The following L3MBTL3 variants were observed in gnomAD, a reference collection of about 807,000 sequenced individuals.
The protein encoded by L3MBTL3 is lethal(3)malignant brain tumor-like protein 3.
In L3MBTL3, 27 loss-of-function variants were observed where a neutral mutation model predicts 102.3. That is an observed-to-expected ratio of 0.26 (90% confidence interval 0.19 to 0.36). The LOEUF (loss-of-function observed/expected upper bound fraction) is 0.36, where lower values mean the gene tolerates loss of function less well. L3MBTL3 is among the 10% of genes least tolerant of loss of function. L3MBTL3 has a pLI of 1.00. For synonymous variants in L3MBTL3, 340 were observed against 320.9 expected (o/e 1.06, Z -0.64); for missense variants, 798 against 955.3 (o/e 0.84, Z 2.17).
chr6:130,113,980 A>G (rs1194689426), intron 19 of L3MBTL3, among the ~76,000 whole-genome samples: 1 of 152,218 alleles, frequency 6.6e-6, no homozygotes, highest in Non-Finnish European at 1.5e-5. Flanking sequence ...TTTTTGCCCC[A>G]TGAGGTCTTC....
chr6:130,116,504 A>G (rs1785690654), intron 19 of L3MBTL3, among the ~76,000 whole-genome samples: 1 of 152,134 alleles, frequency 6.6e-6, no homozygotes, highest in African/African-American at 2.4e-5. Context: ...GGTAATCTCA[A>G]TGCTTTGAGA....
At chr6:130,074,657 T>G (rs970555862) in intron 13 of L3MBTL3, among the ~76,000 whole-genome samples, 4 of 152,166 alleles carry the variant, frequency 2.6e-5, no homozygotes, top group Admixed American at 1.3e-4. Flanking sequence ...GAAGGAACCT[T>G]TCTTTTAAAA....
chr6:130,053,490 G>T (rs1176246589), intron 7 of L3MBTL3, among the ~76,000 whole-genome samples: 1 of 151,902 alleles, frequency 6.6e-6, no homozygotes, highest in Non-Finnish European at 1.5e-5. Flanking sequence ...AAAAAATTAG[G>T]TAGGCGTGGT....
chr6:130,058,816 G>A (rs576357648), intron 9 of L3MBTL3, among the ~76,000 whole-genome samples: 79 of 152,244 alleles, frequency 5.2e-4, no homozygotes, highest in African/African-American at 1.9e-3. Flanking sequence ...CCCGCAGACT[G>A]GAGTTTGCTG....
rs1448294163 is a variant in L3MBTL3 at position 130,061,405 on chromosome 6, C to T, written c.864+1265C>T. Among the ~76,000 whole-genome samples the T allele has an allele frequency of 1.4e-4, 21 of 152,158 alleles. 1 individual carries two copies. Reference sequence around the variant, plus strand: ...CCATCTGTTAGCTTTTATTAGTTCTCAAAACAACCTTTTGAGGCAGAACCC... The same window carrying T: ...CCATCTGTTAGCTTTTATTAGTTCTTAAAACAACCTTTTGAGGCAGAACCC... On this transcript the variant is annotated intron_variant, in intron 10 of 22. Transcript: ENST00000361794.
intron 2 of L3MBTL3, among the ~76,000 whole-genome samples, chr6:130,041,993 T>C (rs752726519): frequency 3.7e-4 from 57 of 152,332 alleles, no homozygotes; most frequent in Non-Finnish European, 6.8e-4. Context: ...TTCATACTGA[T>C]ACCTCCATTC....
At chr6:130,061,163 C>T (rs1222287187) in intron 10 of L3MBTL3, among the ~76,000 whole-genome samples, 1 of 146,552 alleles carries the variant, frequency 6.8e-6, no homozygotes, top group Non-Finnish European at 1.5e-5. Context: ...TGGCTCACTA[C>T]AACCTCCACC....
chr6:130,092,935 T>C, intron 17 of L3MBTL3, 76 bp downstream of exon 17: 1 of 890,354 alleles, frequency 1.1e-6, no homozygotes, highest in Non-Finnish European at 1.8e-6. Flanking sequence ...CCTTAGCCCT[T>C]TCTTTTTCTC....
At chr6:130,123,752 C>T (rs999527103) in intron 20 of L3MBTL3, among the ~76,000 whole-genome samples, 8 of 152,142 alleles carry the variant, frequency 5.3e-5, no homozygotes, top group African/African-American at 1.4e-4. Flanking sequence ...TTGTCCGGTA[C>T]TGGATAGCAC....
chr6:130,019,068 G>A (rs1000015997), intron 1 of L3MBTL3, among the ~76,000 whole-genome samples: 3 of 151,946 alleles, frequency 2.0e-5, no homozygotes, highest in Non-Finnish European at 4.4e-5. Flanking sequence ...GGTGTGGGGG[G>A]CCGTGCGGAA....
chr6:130,050,593 A>C (rs988516502), intron 5 of L3MBTL3, among the ~76,000 whole-genome samples: 5 of 152,174 alleles, frequency 3.3e-5, no homozygotes, highest in African/African-American at 1.2e-4. Flanking sequence ...CATGTATCAC[A>C]TTTTATTATA....
At chr6:130,032,533 G>C (rs1779794870) in intron 2 of L3MBTL3, among the ~76,000 whole-genome samples, 1 of 152,146 alleles carries the variant, frequency 6.6e-6, no homozygotes, top group Non-Finnish European at 1.5e-5. Flanking sequence ...TGTTAAACCA[G>C]ATAATTATAA....
In L3MBTL3 at chr6:130,115,015, C is replaced by T. The variant is rs146153232; in HGVS notation, c.1887-5864C>T. Among the ~76,000 whole-genome samples, 1,127 of 149,948 alleles carry T rather than the reference C, an allele frequency of 7.5e-3. 5 individuals are homozygous for T. The highest frequency in any genetic ancestry group is 0.011 in the Non-Finnish European group (745 of 67,762). ...TCTCATTCCCTTATGTTTTTACCTG[C>T]GAGTAAGTCACAGCTCAGAAACTTA... On this transcript the variant is annotated intron_variant, in intron 19 of 22. Coordinates refer to ENST00000361794, the MANE Select transcript of L3MBTL3 (RefSeq NM_032438.4).
At chr6:130,122,903 T>TG (rs1162385104) in intron 20 of L3MBTL3, among the ~76,000 whole-genome samples, 1 of 152,202 alleles carries the variant, frequency 6.6e-6, no homozygotes, top group African/African-American at 2.4e-5. Flanking sequence ...GAGGATTAAA[T>TG]GCATCAGTGG....
chr6:130,031,476 A>G (rs1438923344), intron 2 of L3MBTL3, among the ~76,000 whole-genome samples: 4 of 152,252 alleles, frequency 2.6e-5, no homozygotes, highest in African/African-American at 9.6e-5. Flanking sequence ...AGATGGTTGC[A>G]CATCGATGTG....
At chr6:130,085,094 T>G (rs1387307730) in intron 15 of L3MBTL3, among the ~76,000 whole-genome samples, 1 of 152,176 alleles carries the variant, frequency 6.6e-6, no homozygotes, top group African/African-American at 2.4e-5. Flanking sequence ...CCTCCCAAAG[T>G]GCTGGATTAC....
chr6:130,099,627 G>A (rs1784567621), intron 18 of L3MBTL3, among the ~76,000 whole-genome samples: 1 of 152,066 alleles, frequency 6.6e-6, no homozygotes, highest in African/African-American at 2.4e-5. Flanking sequence ...AAACATAATT[G>A]CTTGTGAATT....
chr6:130,090,384 A>G (rs1783968374), intron 16 of L3MBTL3, among the ~76,000 whole-genome samples: 1 of 152,144 alleles, frequency 6.6e-6, no homozygotes. Flanking sequence ...TTATTACCAA[A>G]TAGCTTTCCA....
chr6:130,063,183 A>G (rs1340846180), intron 10 of L3MBTL3, among the ~76,000 whole-genome samples: 1 of 152,126 alleles, frequency 6.6e-6, no homozygotes, highest in African/African-American at 2.4e-5. Context: ...TTGCATTACA[A>G]CAGGAAGGCG....
Sources: allele counts gnomAD v4.1 joint callset (sites outside exome capture counted in the v4.1 genomes callset), GRCh38; gene constraint gnomAD v4.1.1; transcripts MANE v1.5; gene names NCBI Gene and HGNC (gene_info 2026-07-23, HGNC 2026-07-21).